MED24: variants seen among roughly 807,000 people sequenced by gnomAD.
MED24 encodes mediator of RNA polymerase II transcription subunit 24.
A neutral mutation model predicts 118.8 loss-of-function variants in MED24; 74 were observed. The ratio of observed to expected loss-of-function variants is 0.62; its 90% CI spans 0.52 to 0.76. The LOEUF (loss-of-function observed/expected upper bound fraction) is 0.76, where lower values mean the gene tolerates loss of function less well. Ranked by LOEUF, MED24 falls within the 30% of genes least tolerant of loss-of-function variation. The pLI, the probability that MED24 is intolerant of heterozygous loss-of-function variation, is 0.00. For missense variants in MED24, 1,041 were observed against 1,278.9 expected (o/e 0.81, Z 2.84); for synonymous variants, 521 against 523.9 (o/e 0.99, Z 0.08).
At chr17:40,022,855 G>C (rs1235485747) in intron 20 of MED24, 29 bp from the exon 21 acceptor site, 1 of 1,607,824 alleles carries the variant, frequency 6.2e-7, no homozygotes, top group Admixed American at 1.7e-5. Context: ...GGCAGTTCAG[G>C]AGCCAGGGGC....
chr17:40,040,482 T>A (rs1474234067), intron 3 of MED24, among the ~76,000 whole-genome samples: 1 of 152,136 alleles, frequency 6.6e-6, no homozygotes, highest in Non-Finnish European at 1.5e-5. Flanking sequence ...CCTCCCAAAT[T>A]CCTGGGATTA....
At chr17:40,047,069 T>C (rs995412707) in intron 3 of MED24, among the ~76,000 whole-genome samples, 2 of 150,580 alleles carry the variant, frequency 1.3e-5, no homozygotes, top group Admixed American at 6.6e-5. Flanking sequence ...GATCCTGCCA[T>C]TGCACACTCC....
chr17:40,045,687 G>T (rs1985092468), intron 3 of MED24, among the ~76,000 whole-genome samples: 1 of 151,294 alleles, frequency 6.6e-6, no homozygotes, highest in Admixed American at 6.6e-5. Flanking sequence ...GGTGCAGGAG[G>T]ATGGCTTGAG....
At chr17:40,020,407 G>A (rs1407456937) in intron 23 of MED24, 54 bp from the exon 24 acceptor site, 2 of 1,555,816 alleles carry the variant, frequency 1.3e-6, no homozygotes, top group South Asian at 2.4e-5. Flanking sequence ...GTGCAAAAGT[G>A]GTGCTCCCCG....
Position 40,029,122 on chromosome 17 carries a change from T to C in MED24, c.1267-154A>G. On this transcript the variant is annotated intron_variant, in intron 13 of 25. Coordinates refer to ENST00000394128, the MANE Select transcript of MED24 (RefSeq NM_014815.4). ...AATCATTCCTAAAACCCACCCCTGC[T>C]CTCCGATCCATCCCTCTCATCTACA... 3 of 997,646 alleles carry C rather than the reference T, an allele frequency of 3.0e-6. No homozygotes were observed. In the South Asian group the frequency reaches 4.8e-5, roughly 16 times the overall value. 61.8% of individuals were successfully genotyped at this position (997,646 alleles called of 1,614,324 possible).
chr17:40,023,733 TAAAC>T (rs1568156250), intron 19 of MED24: 1 of 250,092 alleles, frequency 4.0e-6, no homozygotes, highest in Non-Finnish European at 7.7e-6. Flanking sequence ...GCCACATAAA[TAAAC>T]ACAATCACTT....
At chr17:40,037,774 G>C (rs1984114423) in intron 3 of MED24, among the ~76,000 whole-genome samples, 1 of 152,116 alleles carries the variant, frequency 6.6e-6, no homozygotes, top group South Asian at 2.1e-4. Flanking sequence ...AGCCGGGCAT[G>C]GTGGCGGGTG....
intron 13 of MED24, among the ~76,000 whole-genome samples, chr17:40,029,193 G>A (rs761942811): frequency 2.8e-4 from 43 of 152,292 alleles, no homozygotes; most frequent in Non-Finnish European, 5.6e-4. Context: ...TCACGGCTAG[G>A]ATCTTCTCTG....
intron 16 of MED24, 41 bp from the exon 17 acceptor site, chr17:40,027,075 C>G (rs775376107): frequency 6.2e-7 from 1 of 1,605,786 alleles, no homozygotes; most frequent in African/African-American, 1.3e-5. Flanking sequence ...GTGGGGAGGG[C>G]GCGGCGCCTG....
Position 40,032,171 on chromosome 17 carries a change from C to G in MED24, c.937-81G>C, listed in dbSNP as rs1265218510. On this transcript the variant is annotated intron_variant, in intron 9 of 25. Coordinates refer to ENST00000394128, the MANE Select transcript of MED24 (RefSeq NM_014815.4). ...TACCCCTGAAGGCATCCCCCCGAACCCCTGCTCCAGGAAGAGAGACAGGAA... is the reference window on the plus strand; with the variant it reads ...TACCCCTGAAGGCATCCCCCCGAACGCCTGCTCCAGGAAGAGAGACAGGAA... 1.0e-5 allele frequency: 15 copies of G among 1,487,760 alleles called. No individual in the cohort carries two copies. In the East Asian group the frequency reaches 3.2e-4, roughly 31 times the overall value. 92.2% of individuals were successfully genotyped at this position (1,487,760 alleles called of 1,614,324 possible). A position where few individuals can be genotyped will look rare whatever the true frequency, so the allele number is the denominator to read the frequency against.
In MED24 at chr17:40,033,333, G is replaced by C. The variant is rs774197420; in HGVS notation, c.671+12C>G. 1.9e-6 allele frequency: 3 copies of C among 1,612,930 alleles called. No individual in the cohort carries two copies. Among genetic ancestry groups the C allele is most frequent in the Non-Finnish European group, 1.7e-6 (2 of 1,179,580 alleles). On this transcript the variant is annotated intron_variant, in intron 7 of 25. Transcript: ENST00000394128. This position sits in a 1 kb window ranked among gnomAD's most constrained non-coding sequence, Gnocchi z 5.2. ...CCTCTCCCTTCTCCACCATCCCCCA[G>C]GGAGCCGGTACCTCCTAATGAGGGT...
chr17:40,027,274 C>T, intron 16 of MED24, 109 bp downstream of exon 16: 1 of 1,329,822 alleles, frequency 7.5e-7, no homozygotes, highest in Non-Finnish European at 1.0e-6. Flanking sequence ...TTCTGAGGCC[C>T]ACAGAACTAA....
rs751219851 is a variant in MED24, at chr17:40,031,615, G to C, written c.990C>G (p.Phe330Leu). ...CAAAAGCACAGTTGACATCCTCAGT[G>C]AAGTCCTAGAAAGAGGCAGAAGTGT... ...LKKYSHGDKD[F>L]TEDVNCAFEF... Residue 330 changes from phenylalanine (F) to leucine (L), a missense_variant, in exon 11 of 26, where the codon TTC (phenylalanine) becomes TTG (leucine). This residue lies in a region of MED24 where 434 missense variants were observed against 514.9 expected (regional missense o/e 0.84). Coordinates refer to ENST00000394128, the MANE Select transcript of MED24 (RefSeq NM_014815.4). 6.2e-7 allele frequency: 1 copy of C among 1,613,998 alleles called. No individual in the cohort carries two copies. Among genetic ancestry groups the C allele is most frequent in the Non-Finnish European group, 8.5e-7 (1 of 1,179,880 alleles).
At chr17:40,040,937 A>G (rs181175127) in intron 3 of MED24, among the ~76,000 whole-genome samples, 8 of 151,678 alleles carry the variant, frequency 5.3e-5, no homozygotes, top group Admixed American at 4.6e-4. Context: ...TTTTTAGTAG[A>G]GATAGGGTCT....
intron 11 of MED24, 141 bp downstream of exon 11, chr17:40,031,397 A>C: frequency 1.7e-6 from 2 of 1,209,670 alleles, no homozygotes; most frequent in Non-Finnish European, 2.4e-6. Flanking sequence ...GGGACTTGGC[A>C]ACTGTGGGCT....
At chr17:40,042,959 T>G (rs1002395631) in intron 3 of MED24, among the ~76,000 whole-genome samples, 5 of 152,096 alleles carry the variant, frequency 3.3e-5, no homozygotes, top group Admixed American at 2.6e-4. Context: ...ATGTATGTAT[T>G]TATTTATTTT....
intron 3 of MED24, among the ~76,000 whole-genome samples, chr17:40,043,655 G>A (rs977789445): frequency 4.0e-5 from 6 of 151,856 alleles, no homozygotes; most frequent in East Asian, 3.9e-4. Flanking sequence ...TTGGGAGGCC[G>A]AGGCGGGCGG....
At position 40,023,353 on chromosome 17, in the gene MED24, G is replaced by C; in HGVS notation, c.2028C>G (p.Asp676Glu). 6.2e-7 allele frequency: 1 copy of C among 1,612,022 alleles called. No homozygotes were observed. Among genetic ancestry groups the C allele is most frequent in the East Asian group, 2.2e-5 (1 of 44,840 alleles). ...MNSILERMCA[D>E]VLQQTATQIK... ...TCTGCGTGGCTGTCTGCTGCAGCAC[G>C]TCGGCACACATGCGCTCCAGGATCG... is the stretch of plus-strand genomic sequence containing the variant. Residue 676 changes from aspartate (D) to glutamate (E), a missense_variant, in exon 20 of 26, where the codon GAC (aspartate) becomes GAG (glutamate). Asp to Glu is a conservative substitution (Grantham distance 45, BLOSUM62 2). This residue lies in a region of MED24 where 587 missense variants were observed against 694.4 expected (regional missense o/e 0.85). Coordinates refer to ENST00000394128, the MANE Select transcript of MED24 (RefSeq NM_014815.4).
chr17:40,051,811 T>C (rs570414691), intron 3 of MED24, among the ~76,000 whole-genome samples: 2 of 151,838 alleles, frequency 1.3e-5, no homozygotes, highest in Non-Finnish European at 2.9e-5. Flanking sequence ...TAATCCTAGC[T>C]ACTCAGGAGG....
Sources: allele counts gnomAD v4.1 joint callset (sites outside exome capture counted in the v4.1 genomes callset), GRCh38; gene constraint gnomAD v4.1.1; regional missense constraint gnomAD v4.1.1; non-coding constraint Gnocchi (gnomAD v3.1); transcripts MANE v1.5; gene names NCBI Gene and HGNC (gene_info 2026-07-23, HGNC 2026-07-21).